Variants in SH3GL2 observed in about 807,000 individuals in gnomAD.
SH3GL2 encodes endophilin-A1.
SH3GL2 carries 24 observed loss-of-function variants against 46.0 expected under a neutral mutation model. The observed-to-expected ratio is 0.52, with a 90% confidence interval of 0.38 to 0.73. The LOEUF (loss-of-function observed/expected upper bound fraction) is 0.73. SH3GL2 is among the 30% of genes least tolerant of loss of function. The pLI, the probability that SH3GL2 is intolerant of heterozygous loss-of-function variation, is 0.00. For synonymous variants in SH3GL2, 196 were observed against 147.1 expected (o/e 1.33, Z -2.40); for missense variants, 413 against 424.2 (o/e 0.97, Z 0.23).
chr9:17,628,122 G>C (rs1259075563), intron 1 of SH3GL2, among the ~76,000 whole-genome samples: 1 of 152,148 alleles, frequency 6.6e-6, no homozygotes, highest in African/African-American at 2.4e-5. Flanking sequence ...GAAGCTACCC[G>C]GAGTCTCAGT....
intron 2 of SH3GL2, among the ~76,000 whole-genome samples, chr9:17,758,726 C>T (rs771421868): frequency 3.3e-5 from 5 of 151,844 alleles, no homozygotes; most frequent in African/African-American, 9.7e-5. Context: ...GGATTTCAAG[C>T]GAAGGTTATT....
intron 1 of SH3GL2, among the ~76,000 whole-genome samples, chr9:17,615,658 C>CAA (rs55926751): frequency 0.032 from 2,630 of 82,598 alleles, 109 homozygotes; most frequent in African/African-American, 0.05. Flanking sequence ...GACTCCGTCT[C>CAA]AAAAAAAAAA....
chr9:17,613,792 G>C (rs1393607252), intron 1 of SH3GL2, among the ~76,000 whole-genome samples: 1 of 152,144 alleles, frequency 6.6e-6, no homozygotes, highest in Non-Finnish European at 1.5e-5. Flanking sequence ...TTTGACTATG[G>C]CACACGGACA....
chr9:17,765,775 A>G (rs1053596708), intron 3 of SH3GL2, among the ~76,000 whole-genome samples: 3 of 152,082 alleles, frequency 2.0e-5, no homozygotes, highest in African/African-American at 4.8e-5. Flanking sequence ...GGCACATGCC[A>G]TACTTGTGGT....
intron 1 of SH3GL2, among the ~76,000 whole-genome samples, chr9:17,624,736 G>C (rs1819241616): frequency 6.6e-6 from 1 of 152,154 alleles, no homozygotes; most frequent in South Asian, 2.1e-4. Context: ...GGCTCATCTT[G>C]TATATACTCT....
At chr9:17,647,761 A>G (rs937867752) in intron 1 of SH3GL2, among the ~76,000 whole-genome samples, 2 of 152,206 alleles carry the variant, frequency 1.3e-5, no homozygotes, top group African/African-American at 4.8e-5. Flanking sequence ...GTAAGCACTC[A>G]CCAACTCAAA....
At chr9:17,598,149 GGTT>G (rs1274457656) in intron 1 of SH3GL2, among the ~76,000 whole-genome samples, 1 of 152,162 alleles carries the variant, frequency 6.6e-6, no homozygotes. Flanking sequence ...GAAAGGTTAA[GGTT>G]GTCTATGAGG....
chr9:17,696,832 A>AT (rs1381168273), intron 1 of SH3GL2, among the ~76,000 whole-genome samples: 1 of 152,138 alleles, frequency 6.6e-6, no homozygotes, highest in Non-Finnish European at 1.5e-5. Context: ...TTCATAGCCC[A>AT]TTTTTTGTGG....
chr9:17,781,906 C>T (rs996556088), intron 3 of SH3GL2, among the ~76,000 whole-genome samples: 1 of 152,004 alleles, frequency 6.6e-6, no homozygotes, highest in African/African-American at 2.4e-5. Context: ...AATATTAATA[C>T]ATTACAGCCT....
At position 17,793,515 on chromosome 9, in the gene SH3GL2, A is replaced by G. The variant is rs553858106; in HGVS notation, c.859+18A>G. The G allele has an allele frequency of 3.1e-6, 5 of 1,612,350 alleles. No individual in the cohort carries two copies. In the South Asian group the frequency reaches 4.4e-5, roughly 14 times the overall value. ...ACCTTCAGGTAAGAGCTGAAACTGC[A>G]GATCCTATTGCATAGCCCTTGGCAT... On this transcript the variant is annotated intron_variant, in intron 8 of 8. Coordinates refer to ENST00000380607, the MANE Select transcript of SH3GL2 (RefSeq NM_003026.5).
At chr9:17,615,142 A>C (rs1388099087) in intron 1 of SH3GL2, among the ~76,000 whole-genome samples, 1 of 152,138 alleles carries the variant, frequency 6.6e-6, no homozygotes, top group South Asian at 2.1e-4. Flanking sequence ...CTGTGTGTTT[A>C]TTGCACAATT....
chr9:17,615,590 G>T (rs1189227824), intron 1 of SH3GL2, among the ~76,000 whole-genome samples: 1 of 148,768 alleles, frequency 6.7e-6, no homozygotes, highest in Non-Finnish European at 1.5e-5. Flanking sequence ...AGGAGGCAGA[G>T]GTTGCAGTGA....
intron 1 of SH3GL2, among the ~76,000 whole-genome samples, chr9:17,640,547 G>GCTGTCT (rs1449526362): frequency 2.2e-4 from 34 of 152,176 alleles, no homozygotes; most frequent in African/African-American, 7.7e-4. Context: ...CTCTCAACCG[G>GCTGTCT]CTGTCTCTGG....
intron 1 of SH3GL2, among the ~76,000 whole-genome samples, chr9:17,678,712 C>T (rs199669762): frequency 1.3e-5 from 2 of 152,060 alleles, no homozygotes; most frequent in Non-Finnish European, 2.9e-5. Context: ...TGCCCATGCC[C>T]ATGTCCTGAA....
chr9:17,605,229 T>C (rs939719881), intron 1 of SH3GL2, among the ~76,000 whole-genome samples: 3 of 152,100 alleles, frequency 2.0e-5, no homozygotes, highest in African/African-American at 7.2e-5. Context: ...TCCTCTTGTC[T>C]TGGCCTCCCA....
At chr9:17,584,470 T>A (rs977796507) in intron 1 of SH3GL2, among the ~76,000 whole-genome samples, 9 of 152,178 alleles carry the variant, frequency 5.9e-5, no homozygotes, top group African/African-American at 2.2e-4. Context: ...GCCACTGCAC[T>A]CCAGCCTGGG....
intron 1 of SH3GL2, among the ~76,000 whole-genome samples, chr9:17,708,440 A>G (rs1178469437): frequency 6.6e-6 from 1 of 152,088 alleles, no homozygotes; most frequent in Non-Finnish European, 1.5e-5. Context: ...AGAGTAGAGC[A>G]ATTCCAGTTT....
chr9:17,791,344 A>G lies in SH3GL2; in HGVS notation c.728+10A>G, dbSNP rs542105858. The stretch of plus-strand genomic sequence containing the variant: ...TCAGACTGGAAGAAAGGTATTCTAC[A>G]GTTCCCTGCATTTCACATTTGCATT... On this transcript the variant is annotated intron_variant, in intron 7 of 8. Transcript: ENST00000380607. 1.6e-5 allele frequency: 25 copies of G among 1,528,584 alleles called. No homozygotes were observed. In the East Asian group the frequency reaches 1.8e-4, roughly 11 times the overall value. The allele number at this position is 1,528,584 out of a possible 1,614,324, so 94.7% of individuals were successfully genotyped here. A position where few individuals can be genotyped will look rare whatever the true frequency, so the allele number is the denominator to read the frequency against.
At chr9:17,614,677 C>T (rs1027647105) in intron 1 of SH3GL2, among the ~76,000 whole-genome samples, 1 of 152,054 alleles carries the variant, frequency 6.6e-6, no homozygotes, top group African/African-American at 2.4e-5. Context: ...TTATTATTAC[C>T]ATCACTGCTT....
Sources: allele counts gnomAD v4.1 joint callset (sites outside exome capture counted in the v4.1 genomes callset), GRCh38; gene constraint gnomAD v4.1.1; transcripts MANE v1.5; gene names NCBI Gene and HGNC (gene_info 2026-07-23, HGNC 2026-07-21).